ACBD6: variants seen among roughly 807,000 people sequenced by gnomAD.
ACBD6 encodes acyl-CoA-binding domain-containing protein 6.
Under a neutral mutation model 37.2 loss-of-function variants are expected in ACBD6, and 28 were observed. The ratio of observed to expected loss-of-function variants is 0.75; its 90% confidence interval spans 0.56 to 1.03. The LOEUF (loss-of-function observed/expected upper bound fraction) is 1.03. Ranked by LOEUF, ACBD6 falls within the 50% of genes least tolerant of loss-of-function variation. The pLI is 0.00. For synonymous variants in ACBD6, 113 were observed against 126.8 expected (o/e 0.89, Z 0.73); for missense variants, 340 against 337.4 (o/e 1.01, Z -0.06).
At chr1:180,350,894 T>C (rs997522311) in intron 6 of ACBD6, among the ~76,000 whole-genome samples, 7 of 152,220 alleles carry the variant, frequency 4.6e-5, no homozygotes, top group Admixed American at 3.9e-4. Context: ...CTGTCTCAGA[T>C]AGTAAGCGAT....
chr1:180,391,485 A>T (rs2101942413), intron 6 of ACBD6, among the ~76,000 whole-genome samples: 1 of 149,888 alleles, frequency 6.7e-6, no homozygotes, highest in African/African-American at 2.5e-5. Flanking sequence ...TTTAAAAATA[A>T]GCACAAAATC....
chr1:180,362,622 G>C (rs1422827102), intron 6 of ACBD6, among the ~76,000 whole-genome samples: 1 of 152,110 alleles, frequency 6.6e-6, no homozygotes, highest in Non-Finnish European at 1.5e-5. Flanking sequence ...TTCATACATA[G>C]AGAGATGTAG....
chr1:180,458,811 T>G (rs1650019242), intron 3 of ACBD6, among the ~76,000 whole-genome samples: 1 of 152,180 alleles, frequency 6.6e-6, no homozygotes, highest in African/African-American at 2.4e-5. Flanking sequence ...TTCAAAGAAC[T>G]AAAAACTTAG....
intron 3 of ACBD6, among the ~76,000 whole-genome samples, chr1:180,472,549 T>C (rs1428768688): frequency 1.3e-5 from 2 of 152,118 alleles, no homozygotes; most frequent in African/African-American, 4.8e-5. Context: ...CGGGTGTGTA[T>C]ATCATCAATA....
intron 6 of ACBD6, among the ~76,000 whole-genome samples, chr1:180,381,969 C>A (rs12045636): frequency 6.6e-6 from 1 of 151,466 alleles, no homozygotes. Context: ...ATTAGCTGGG[C>A]GTGGTGGTGC....
At chr1:180,275,294 T>C (rs1648959984) in exon 10 of ACBD6, 1 of 152,172 alleles carries the variant, frequency 6.6e-6, no homozygotes, top group Non-Finnish European at 1.5e-5. Context: ...CTGAGCTGAG[T>C]AGCCCTGGAC....
Position 180,288,415 on chromosome 1 carries a change from C to T in ACBD6, c.797G>A (p.Gly266Asp). 2 of 1,613,734 alleles carry T rather than the reference C, an allele frequency of 1.2e-6. No homozygotes were observed. Among genetic ancestry groups the T allele is most frequent in the Non-Finnish European group, 1.7e-6 (2 of 1,179,996 alleles). ...CAGCACCAAAGAAACTGTTTTGCAG[C>T]CTGTCACCTCCTCTGGCAGGCAGCC... ...QDGCLPEEVT[G>D]CKTVSLVLQR... Residue 266 changes from glycine (G) to aspartate (D), a missense_variant, in exon 8 of 8, where the codon GGC (glycine) becomes GAC (aspartate). By Grantham distance (94) the Gly-to-Asp change is moderately conservative (BLOSUM62 -1). Coordinates refer to ENST00000367595, the MANE Select transcript of ACBD6 (RefSeq NM_032360.4).
chr1:180,333,867 T>C (rs980670742), intron 6 of ACBD6, among the ~76,000 whole-genome samples: 1 of 152,252 alleles, frequency 6.6e-6, no homozygotes, highest in Non-Finnish European at 1.5e-5. Context: ...CAGGAGATTA[T>C]ATCCCGTGCC....
Position 180,501,606 on chromosome 1 carries a change from C to T in ACBD6, c.222+439G>A, listed in dbSNP as rs189807263. 1.3e-4 allele frequency among the ~76,000 whole-genome samples: 20 copies of T among 152,328 alleles called. 2 individuals are homozygous for T. In the South Asian group the frequency reaches 4.1e-3, roughly 32 times the overall value. ...GTGCTGGGATTACAGCCGTGAGCAA[C>T]CACGCCCAGCCCTGCATCACATTAT... is the stretch of plus-strand genomic sequence containing the variant. On this transcript the variant is annotated intron_variant, in intron 1 of 7. Transcript: ENST00000367595.
chr1:180,312,790 T>C (rs879462411), intron 7 of ACBD6, among the ~76,000 whole-genome samples: 1 of 152,178 alleles, frequency 6.6e-6, no homozygotes, highest in Non-Finnish European at 1.5e-5. Context: ...TGTCAGACAT[T>C]GTTCCAAGCA....
chr1:180,361,814 A>G (rs1652864167), intron 6 of ACBD6, among the ~76,000 whole-genome samples: 1 of 152,230 alleles, frequency 6.6e-6, no homozygotes. Context: ...TAGAAACATA[A>G]TAAAGAGGTG....
intron 6 of ACBD6, among the ~76,000 whole-genome samples, chr1:180,388,813 TA>T (rs1336187647): frequency 6.6e-6 from 1 of 150,594 alleles, no homozygotes; most frequent in Admixed American, 6.6e-5. Context: ...ATTTCATTTA[TA>T]ACATTAAAAA....
At chr1:180,455,569 C>T (rs1278301983) in intron 3 of ACBD6, among the ~76,000 whole-genome samples, 3 of 151,342 alleles carry the variant, frequency 2.0e-5, no homozygotes, top group African/African-American at 7.3e-5. Flanking sequence ...CAAAGACTAC[C>T]TAAAAGTGAA....
chr1:180,386,783 C>A (rs970747515), intron 6 of ACBD6, among the ~76,000 whole-genome samples: 3 of 151,644 alleles, frequency 2.0e-5, no homozygotes, highest in African/African-American at 7.3e-5. Context: ...ATCTCTTATT[C>A]CTTTGCTGAG....
chr1:180,344,614 G>A (rs1465790441), intron 6 of ACBD6, among the ~76,000 whole-genome samples: 3 of 152,128 alleles, frequency 2.0e-5, no homozygotes, highest in Admixed American at 6.6e-5. Flanking sequence ...AACATTGACC[G>A]AATACCCATT....
intron 6 of ACBD6, among the ~76,000 whole-genome samples, chr1:180,352,057 A>G (rs6425622): frequency 0.94 from 143,502 of 152,256 alleles, 67,670 homozygotes; most frequent in East Asian, 0.98. Context: ...AAGGACAAAT[A>G]TGCTACAATT....
chr1:180,331,779 C>T (rs114933977), intron 6 of ACBD6, among the ~76,000 whole-genome samples: 2,219 of 152,228 alleles, frequency 0.015, 65 homozygotes, highest in African/African-American at 0.05. Flanking sequence ...AAAATTGTCC[C>T]AACCCCAAGA....
In ACBD6 at chr1:180,397,602, T is replaced by C. The variant is rs1654312577; in HGVS notation, c.577A>G (p.Arg193Gly). Residue 193 changes from arginine (R) to glycine (G), a missense_variant, in exon 6 of 8, where the codon AGG becomes GGG. By Grantham distance (125) the Arg-to-Gly change is moderately radical (BLOSUM62 -2). Coordinates refer to ENST00000367595, the MANE Select transcript of ACBD6 (RefSeq NM_032360.4). ...VDVNVKDEEGRALLHWACDRG... is the reference protein window; with the variant it reads ...VDVNVKDEEGGALLHWACDRG... ...TCACAGGCCCAGTGAAGTAGAGCCC[T>C]ACCCTAAAAACACAGAAGATAAATG... 1.2e-6 allele frequency: 2 copies of C among 1,613,086 alleles called. No individual in the cohort carries two copies. Among genetic ancestry groups the C allele is most frequent in the African/African-American group, 1.3e-5 (1 of 75,026 alleles).
At chr1:180,401,765 G>T (rs1471259705) in intron 5 of ACBD6, among the ~76,000 whole-genome samples, 2 of 146,138 alleles carry the variant, frequency 1.4e-5, no homozygotes, top group African/African-American at 5.1e-5. Context: ...TCCAGCATGG[G>T]CAACAGAGCA....
Sources: gnomAD v4.1 joint callset for allele counts (sites outside exome capture counted in the v4.1 genomes callset) on GRCh38, gnomAD v4.1.1 for gene constraint, MANE v1.5 for transcripts, NCBI Gene and HGNC (gene_info 2026-07-23, HGNC 2026-07-21) for gene names.